The following RBMS3 variants were observed in gnomAD, a reference collection of about 807,000 sequenced individuals.
RBMS3 encodes the protein RNA-binding motif, single-stranded-interacting protein 3.
RBMS3 carries 27 observed loss-of-function variants against 66.8 expected under a neutral mutation model. The observed-to-expected ratio is 0.40, with a 90% CI of 0.30 to 0.56. The LOEUF (loss-of-function observed/expected upper bound fraction) is 0.56. Ranked by LOEUF, RBMS3 falls within the 20% of genes least tolerant of loss-of-function variation. The probability of loss-of-function intolerance (pLI) is 0.40; values close to 1 mark genes in which losing one functional copy is unlikely to be tolerated. For missense variants in RBMS3, 513 were observed against 549.5 expected (o/e 0.93, Z 0.66); for synonymous variants, 188 against 183.0 (o/e 1.03, Z -0.22).
intron 12 of RBMS3, among the ~76,000 whole-genome samples, chr3:29,962,188 G>T (rs1248782818): frequency 6.7e-6 from 1 of 149,828 alleles, no homozygotes; most frequent in Admixed American, 6.7e-5. Flanking sequence ...TGAGTGTATT[G>T]GTCCCCTTGG....
At chr3:29,562,353 G>A (rs1234492418) in intron 3 of RBMS3, among the ~76,000 whole-genome samples, 1 of 152,056 alleles carries the variant, frequency 6.6e-6, no homozygotes, top group Non-Finnish European at 1.5e-5. Flanking sequence ...CTGAAAATCT[G>A]ATTCTTATCT....
chr3:29,777,802 A>AT (rs1023917784), intron 6 of RBMS3, among the ~76,000 whole-genome samples: 13 of 151,306 alleles, frequency 8.6e-5, no homozygotes, highest in Middle Eastern at 3.4e-3. Context: ...CAACAATTAG[A>AT]TTTTTTTTTC....
intron 3 of RBMS3, 81 bp from the exon 4 acceptor site, chr3:29,587,033 T>C: frequency 9.7e-7 from 1 of 1,036,204 alleles, no homozygotes; most frequent in South Asian, 1.5e-5. Flanking sequence ...TGCAAGTCTA[T>C]CTGTAAACTT....
intron 1 of RBMS3, among the ~76,000 whole-genome samples, chr3:29,365,341 A>C (rs1254114696): frequency 6.6e-6 from 1 of 152,020 alleles, no homozygotes; most frequent in Non-Finnish European, 1.5e-5. Flanking sequence ...TTCTTTAAAA[A>C]ATTTTTTAGA....
intron 3 of RBMS3, among the ~76,000 whole-genome samples, chr3:29,532,246 G>GTATATATATATATA (rs1166106438): frequency 3.8e-4 from 34 of 88,960 alleles, no homozygotes; most frequent in East Asian, 2.8e-3. Context: ...GCATATATAT[G>GTATATATATATATA]TATATATATA....
intron 4 of RBMS3, among the ~76,000 whole-genome samples, chr3:29,649,440 T>C (rs28463209): frequency 6.6e-6 from 1 of 152,224 alleles, no homozygotes; most frequent in African/African-American, 2.4e-5. Flanking sequence ...TTACTTTTTT[T>C]AAATTTTTCA....
intron 6 of RBMS3, among the ~76,000 whole-genome samples, chr3:29,830,650 T>A (rs1576935743): frequency 6.6e-6 from 1 of 152,192 alleles, no homozygotes; most frequent in Non-Finnish European, 1.5e-5. Context: ...CCATGGTTTT[T>A]TGACTCTTTC....
chr3:29,806,544 A>G (rs1050958765), intron 6 of RBMS3, among the ~76,000 whole-genome samples: 1 of 151,952 alleles, frequency 6.6e-6, no homozygotes, highest in African/African-American at 2.4e-5. Context: ...ACAATTTTTA[A>G]ATCTGCTTGG....
intron 6 of RBMS3, among the ~76,000 whole-genome samples, chr3:29,866,632 C>T (rs952854995): frequency 1.3e-5 from 2 of 152,134 alleles, no homozygotes; most frequent in Admixed American, 1.3e-4. Flanking sequence ...TTTGGAATCT[C>T]ACAGGAAATT....
intron 14 of RBMS3, among the ~76,000 whole-genome samples, chr3:29,999,626 G>A (rs1699480366): frequency 6.6e-6 from 1 of 152,228 alleles, no homozygotes; most frequent in Admixed American, 6.5e-5. Context: ...GATGAAACTG[G>A]AAACCATCAT....
chr3:29,558,375 G>A lies in RBMS3; in HGVS notation c.308-28739G>A, dbSNP rs147207878. On this transcript the variant is annotated intron_variant, in intron 3 of 14. Transcript: ENST00000383767. The stretch of plus-strand genomic sequence containing the variant: ...GGAACTAGCAATGCAGATTACAGGG[G>A]CTGACCATGATCCAGGCAACATTAT... 5.3e-5 allele frequency among the ~76,000 whole-genome samples: 8 copies of A among 152,228 alleles called. No individual in the cohort carries two copies. In the East Asian group the frequency reaches 1.2e-3, roughly 22 times the overall value.
chr3:29,745,099 T>C (rs2054825454), intron 5 of RBMS3, among the ~76,000 whole-genome samples: 1 of 152,218 alleles, frequency 6.6e-6, no homozygotes, highest in Non-Finnish European at 1.5e-5. Flanking sequence ...AGGAGTATCT[T>C]CATTTTATAT....
chr3:29,853,848 C>G (rs895689867), intron 6 of RBMS3, among the ~76,000 whole-genome samples: 1 of 152,060 alleles, frequency 6.6e-6, no homozygotes, highest in South Asian at 2.1e-4. Context: ...GGGGTCTCCA[C>G]CCCCTGAAAC....
At chr3:29,942,766 T>A (rs1470434241) in intron 11 of RBMS3, among the ~76,000 whole-genome samples, 1 of 151,776 alleles carries the variant, frequency 6.6e-6, no homozygotes, top group Non-Finnish European at 1.5e-5. Context: ...ATGTCATAAG[T>A]ATATTCTTGG....
intron 8 of RBMS3, among the ~76,000 whole-genome samples, chr3:29,891,972 G>A (rs1276928710): frequency 6.6e-6 from 1 of 151,402 alleles, no homozygotes; most frequent in East Asian, 1.9e-4. Context: ...AATAGGATTT[G>A]CTTTTTGTAC....
intron 3 of RBMS3, among the ~76,000 whole-genome samples, chr3:29,515,174 G>A (rs970702394): frequency 6.6e-6 from 1 of 152,200 alleles, no homozygotes; most frequent in Non-Finnish European, 1.5e-5. Context: ...CAGGAGGAAG[G>A]TAGTATTTGA....
In RBMS3 at chr3:29,281,332, C is replaced by A; in HGVS notation, c.-350C>A. 7.1e-6 allele frequency: 2 copies of A among 280,876 alleles called. No individual in the cohort carries two copies. Among genetic ancestry groups the A allele is most frequent in the Non-Finnish European group, 6.6e-6 (1 of 152,404 alleles). 17.4% of individuals were successfully genotyped at this position (280,876 alleles called of 1,614,324 possible). The stretch of plus-strand genomic sequence containing the variant: ...TTTGATTTTTTTCCCCCTTTACGAA[C>A]GCTGGCAATTGACATCACTACAGAC... On this transcript the variant is annotated 5_prime_UTR_variant, in exon 1 of 15. Transcript: ENST00000383767.
intron 4 of RBMS3, among the ~76,000 whole-genome samples, chr3:29,606,865 T>G (rs1357129566): frequency 6.6e-6 from 1 of 152,034 alleles, no homozygotes; most frequent in East Asian, 1.9e-4. Context: ...GTGCTATTTT[T>G]TTCTTTGAAT....
At chr3:29,734,340 A>G (rs920234056) in intron 4 of RBMS3, among the ~76,000 whole-genome samples, 3 of 152,124 alleles carry the variant, frequency 2.0e-5, no homozygotes, top group Non-Finnish European at 2.9e-5. Flanking sequence ...ATGGCACTGT[A>G]GGATGACTAT....
Sources: allele counts gnomAD v4.1 joint callset (sites outside exome capture counted in the v4.1 genomes callset), GRCh38; gene constraint gnomAD v4.1.1; transcripts MANE v1.5; gene names NCBI Gene and HGNC (gene_info 2026-07-23, HGNC 2026-07-21).